MEIS2: variants seen among roughly 807,000 people sequenced by gnomAD.
The protein encoded by MEIS2 is Meis homeobox 2.
In MEIS2, 9 loss-of-function variants were observed where a neutral mutation model predicts 58.6. The ratio of observed to expected loss-of-function variants is 0.15; its 90% CI spans 0.09 to 0.27. The LOEUF (loss-of-function observed/expected upper bound fraction) is 0.27, where lower values mean the gene tolerates loss of function less well. MEIS2 is among the 10% of genes least tolerant of loss of function. MEIS2 has a pLI of 1.00. For synonymous variants in MEIS2, 221 were observed against 228.4 expected (o/e 0.97, Z 0.29); for missense variants, 427 against 635.0 (o/e 0.67, Z 3.52).
chr15:36,980,083 ATTCATTTTTGGGG>A (rs1389691053), intron 8 of MEIS2, among the ~76,000 whole-genome samples: 1 of 151,818 alleles, frequency 6.6e-6, no homozygotes, highest in Non-Finnish European at 1.5e-5. Flanking sequence ...TAAACTCCCA[ATTCATTTTTGGGG>A]TACTTTTTTC....
chr15:36,995,814 A>G (rs1006609193), intron 8 of MEIS2, among the ~76,000 whole-genome samples: 2 of 146,704 alleles, frequency 1.4e-5, no homozygotes, highest in Admixed American at 1.4e-4. Context: ...GTGCTTTATC[A>G]TGAGGAACTA....
intron 8 of MEIS2, among the ~76,000 whole-genome samples, chr15:37,015,144 A>C (rs2141650515): frequency 6.6e-6 from 1 of 152,330 alleles, no homozygotes; most frequent in South Asian, 2.1e-4. Flanking sequence ...CTAATACCAA[A>C]AGAAAATTCA....
chr15:37,093,920 C>A, intron 5 of MEIS2, 190 bp from the exon 6 acceptor site: 1 of 634,306 alleles, frequency 1.6e-6, no homozygotes, highest in South Asian at 2.3e-5. Context: ...GTAATTGTTG[C>A]AGCAGATATT....
chr15:37,024,583 C>T (rs912546647), intron 8 of MEIS2, among the ~76,000 whole-genome samples: 2 of 152,168 alleles, frequency 1.3e-5, no homozygotes, highest in Non-Finnish European at 2.9e-5. Context: ...GTGCTTTCGT[C>T]TAACTGAGCT....
chr15:37,023,974 C>T (rs1001842334), intron 8 of MEIS2, among the ~76,000 whole-genome samples: 4 of 140,078 alleles, frequency 2.9e-5, no homozygotes, highest in Non-Finnish European at 6.0e-5. Context: ...AGTGCAGTGG[C>T]ACTCAGCTCA....
chr15:36,901,367 A>T (rs2056461892), intron 9 of MEIS2, among the ~76,000 whole-genome samples: 1 of 152,194 alleles, frequency 6.6e-6, no homozygotes, highest in South Asian at 2.1e-4. Flanking sequence ...TGAGAGTAGG[A>T]TTTTCTCAGT....
At chr15:37,074,497 G>T (rs1891115802) in intron 7 of MEIS2, among the ~76,000 whole-genome samples, 1 of 152,002 alleles carries the variant, frequency 6.6e-6, no homozygotes, top group Non-Finnish European at 1.5e-5. Context: ...GGAAACATTA[G>T]ATTTCTGGAG....
chr15:37,101,236 G>C (rs1895076399), upstream of MEIS2: 1 of 152,656 alleles, frequency 6.6e-6, no homozygotes, highest in African/African-American at 2.4e-5. Flanking sequence ...AGAGTCTTTG[G>C]GGGCCGCGGC....
At chr15:37,026,026 T>A (rs1219216578) in intron 8 of MEIS2, among the ~76,000 whole-genome samples, 2 of 152,092 alleles carry the variant, frequency 1.3e-5, no homozygotes, top group Non-Finnish European at 2.9e-5. Flanking sequence ...GACCCCATGT[T>A]CCCATGTTCT....
chr15:36,939,004 C>A (rs1012940892), intron 9 of MEIS2, among the ~76,000 whole-genome samples: 2 of 152,196 alleles, frequency 1.3e-5, no homozygotes, highest in African/African-American at 4.8e-5. Flanking sequence ...CGTGCACTTG[C>A]AAATGTCTTT....
chr15:37,010,332 C>T (rs1311948745), intron 8 of MEIS2, among the ~76,000 whole-genome samples: 2 of 152,048 alleles, frequency 1.3e-5, no homozygotes, highest in Non-Finnish European at 1.5e-5. Context: ...CATGATCCGC[C>T]CATCTTGGCC....
chr15:36,902,763 C>A (rs1251593787), intron 9 of MEIS2, among the ~76,000 whole-genome samples: 1 of 152,132 alleles, frequency 6.6e-6, no homozygotes, highest in Non-Finnish European at 1.5e-5. Flanking sequence ...TATCTTAGAT[C>A]TAAACAGCCT....
chr15:37,081,778 T>C (rs984583427), intron 7 of MEIS2, among the ~76,000 whole-genome samples: 1 of 152,072 alleles, frequency 6.6e-6, no homozygotes, highest in African/African-American at 2.4e-5. Flanking sequence ...CGCAGAGACA[T>C]GATTAAAGGA....
At chr15:36,911,442 G>T (rs1224846287) in intron 9 of MEIS2, among the ~76,000 whole-genome samples, 1 of 152,140 alleles carries the variant, frequency 6.6e-6, no homozygotes, top group African/African-American at 2.4e-5. Context: ...ACACATGCAT[G>T]TAGAAGGTAG....
chr15:36,948,040 T>C (rs1342434916), intron 9 of MEIS2, among the ~76,000 whole-genome samples: 1 of 151,944 alleles, frequency 6.6e-6, no homozygotes, highest in Admixed American at 6.6e-5. Flanking sequence ...ACTATCCTCA[T>C]GAGTAACACC....
intron 3 of MEIS2, 122 bp from the exon 4 acceptor site, chr15:37,095,736 A>G: frequency 7.1e-7 from 1 of 1,403,472 alleles, no homozygotes; most frequent in Non-Finnish European, 9.9e-7. Context: ...GGCAAAATAC[A>G]AGAAAGAAAC....
chr15:36,943,191 A>T (rs899512625), intron 9 of MEIS2, among the ~76,000 whole-genome samples: 1 of 152,160 alleles, frequency 6.6e-6, no homozygotes, highest in Admixed American at 6.6e-5. Flanking sequence ...CTAAGTCAAT[A>T]TCATTCTTTT....
intron 9 of MEIS2, among the ~76,000 whole-genome samples, chr15:36,940,030 TC>T (rs2058319204): frequency 6.6e-6 from 1 of 152,168 alleles, no homozygotes; most frequent in Non-Finnish European, 1.5e-5. Context: ...GATGCTCAAA[TC>T]CCTAGGGATA....
intron 8 of MEIS2, among the ~76,000 whole-genome samples, chr15:36,996,001 A>ATGTGTGTG (rs1292078980): frequency 9.7e-6 from 1 of 102,880 alleles, no homozygotes; most frequent in African/African-American, 3.3e-5. Flanking sequence ...ATATATATAT[A>ATGTGTGTG]TGTATATATA....
Sources: allele counts gnomAD v4.1 joint callset (sites outside exome capture counted in the v4.1 genomes callset), GRCh38; gene constraint gnomAD v4.1.1; transcripts MANE v1.5; gene names NCBI Gene and HGNC (gene_info 2026-07-23, HGNC 2026-07-21).